Variants in GPC6 observed in about 807,000 individuals in gnomAD.
GPC6 encodes glypican 6.
In GPC6, 14 loss-of-function variants were observed where a neutral mutation model predicts 55.2. That is an observed-to-expected ratio of 0.25 (90% CI 0.17 to 0.40). The LOEUF (loss-of-function observed/expected upper bound fraction) is 0.40. GPC6 is among the 10% of genes least tolerant of loss of function. The probability of loss-of-function intolerance (pLI) is 1.00; values close to 1 mark genes in which losing one functional copy is unlikely to be tolerated. For synonymous variants in GPC6, 278 were observed against 259.6 expected, an observed-to-expected ratio of 1.07 and a Z score of -0.68; for missense variants, 641 against 708.5, an observed-to-expected ratio of 0.90 and a Z score of 1.08.
At chr13:93,649,742 A>G (rs1251711887) in intron 2 of GPC6, among the ~76,000 whole-genome samples, 1 of 152,206 alleles carries the variant, frequency 6.6e-6, no homozygotes, top group East Asian at 1.9e-4. Context: ...TAAAGTCAGC[A>G]GTCTGCTTCA....
intron 1 of GPC6, among the ~76,000 whole-genome samples, chr13:93,479,613 C>CCA (rs925658657): frequency 7.0e-6 from 1 of 142,072 alleles, no homozygotes; most frequent in African/African-American, 2.5e-5. Flanking sequence ...GTGAGACCCC[C>CCA]CCCCATCTCT....
intron 1 of GPC6, among the ~76,000 whole-genome samples, chr13:93,515,721 C>A (rs148413880): frequency 6.6e-6 from 1 of 152,066 alleles, no homozygotes; most frequent in African/African-American, 2.4e-5. Flanking sequence ...TGACTAGTGA[C>A]GTATCATGTT....
chr13:94,352,685 C>G (rs1374292119), intron 6 of GPC6, among the ~76,000 whole-genome samples: 1 of 152,192 alleles, frequency 6.6e-6, no homozygotes, highest in East Asian at 1.9e-4. Context: ...TTCCTTATGG[C>G]TTTTCTACAC....
intron 4 of GPC6, among the ~76,000 whole-genome samples, chr13:94,036,973 T>TC (rs1883358725): frequency 1.3e-5 from 2 of 152,030 alleles, no homozygotes; most frequent in African/African-American, 4.8e-5. Context: ...TAGATCAGTT[T>TC]CGTCTTTAAA....
Position 93,624,388 on chromosome 13 carries a change from T to C in GPC6, c.319+78967T>C, listed in dbSNP as rs144444192. On this transcript the variant is annotated intron_variant, in intron 2 of 8. Transcript: ENST00000377047. ...TGGGTTTGAAGGGGCTGCAGTGCTA[T>C]TGAAGAACATTTTCATTTCAAAAGC... is the stretch of plus-strand genomic sequence containing the variant. 7.7e-4 allele frequency among the ~76,000 whole-genome samples: 117 copies of C among 152,314 alleles called. 1 individual carries two copies. Among genetic ancestry groups the C allele is most frequent in the Middle Eastern group, 3.4e-3 (1 of 294 alleles).
intron 1 of GPC6, among the ~76,000 whole-genome samples, chr13:93,459,857 A>C (rs963253398): frequency 6.6e-6 from 1 of 152,212 alleles, no homozygotes; most frequent in Admixed American, 6.5e-5. Context: ...TTCTAGGTAA[A>C]TGGCATCCCC....
intron 2 of GPC6, among the ~76,000 whole-genome samples, chr13:93,717,147 C>T (rs1883278912): frequency 6.6e-6 from 1 of 150,960 alleles, no homozygotes; most frequent in Admixed American, 6.6e-5. Flanking sequence ...TGGGTGCGCA[C>T]ACACACACAC....
At chr13:93,263,431 C>T (rs1484138314) in intron 1 of GPC6, among the ~76,000 whole-genome samples, 1 of 152,076 alleles carries the variant, frequency 6.6e-6, no homozygotes, top group African/African-American at 2.4e-5. Flanking sequence ...GTGGCATGAC[C>T]TTGGCTGACT....
chr13:93,271,283 A>G (rs1338203387), intron 1 of GPC6, among the ~76,000 whole-genome samples: 1 of 152,172 alleles, frequency 6.6e-6, no homozygotes, highest in Non-Finnish European at 1.5e-5. Flanking sequence ...TTTTAACTCA[A>G]CTACGTTACA....
chr13:94,217,393 A>G (rs1890257211), intron 4 of GPC6, among the ~76,000 whole-genome samples: 5 of 152,162 alleles, frequency 3.3e-5, no homozygotes, highest in Admixed American at 2.6e-4. Flanking sequence ...TTTATATCCC[A>G]TTTCAAAATG....
At chr13:93,417,263 T>C (rs1876734083) in intron 1 of GPC6, among the ~76,000 whole-genome samples, 1 of 152,132 alleles carries the variant, frequency 6.6e-6, no homozygotes, top group African/African-American at 2.4e-5. Flanking sequence ...ATTTTTTTAG[T>C]GACATAGCCT....
At chr13:94,043,181 G>A (rs547242430) in intron 4 of GPC6, among the ~76,000 whole-genome samples, 17 of 151,614 alleles carry the variant, frequency 1.1e-4, no homozygotes, top group South Asian at 4.2e-4. Context: ...CCTGTTCTCC[G>A]GGGAGCACTA....
At chr13:93,395,302 A>G in intron 1 of GPC6, 1 of 489,330 alleles carries the variant, frequency 2.0e-6, no homozygotes, top group Non-Finnish European at 3.9e-6. Context: ...TGGATGAAGC[A>G]CCAGCCATCT....
chr13:93,928,278 G>C (rs1407497917), intron 3 of GPC6, among the ~76,000 whole-genome samples: 1 of 152,186 alleles, frequency 6.6e-6, no homozygotes, highest in Admixed American at 6.5e-5. Context: ...TTTCTTGAAA[G>C]AGCAGTGTGG....
chr13:93,560,744 C>T (rs1042117437), intron 2 of GPC6, among the ~76,000 whole-genome samples: 12 of 144,316 alleles, frequency 8.3e-5, no homozygotes, highest in African/African-American at 3.1e-4. Flanking sequence ...CCAGCCTGGG[C>T]GACAGAGCGA....
chr13:93,635,089 G>T (rs556872496), intron 2 of GPC6, among the ~76,000 whole-genome samples: 2 of 151,112 alleles, frequency 1.3e-5, no homozygotes, highest in African/African-American at 2.4e-5. Context: ...TTTTAAAAAC[G>T]TATTGGGTTT....
At chr13:94,225,604 T>A (rs901786448) in intron 4 of GPC6, among the ~76,000 whole-genome samples, 5 of 152,038 alleles carry the variant, frequency 3.3e-5, no homozygotes, top group East Asian at 1.9e-4. Flanking sequence ...TATATAAGAA[T>A]ATATACTCTT....
intron 2 of GPC6, among the ~76,000 whole-genome samples, chr13:93,587,437 T>C (rs1877257665): frequency 6.6e-6 from 1 of 152,184 alleles, no homozygotes; most frequent in African/African-American, 2.4e-5. Context: ...AATTGAAGGA[T>C]TAAAAAGACA....
chr13:94,178,025 A>ATTTTTTTTT (rs767978319), intron 4 of GPC6, among the ~76,000 whole-genome samples: 1 of 132,990 alleles, frequency 7.5e-6, no homozygotes, highest in African/African-American at 3.2e-5. Flanking sequence ...TGGCCTTTTA[A>ATTTTTTTTT]TTTTTTTTTT....
Sources: gnomAD v4.1 joint callset for allele counts (sites outside exome capture counted in the v4.1 genomes callset) on GRCh38, gnomAD v4.1.1 for gene constraint, MANE v1.5 for transcripts, NCBI Gene and HGNC (gene_info 2026-07-23, HGNC 2026-07-21) for gene names.